Variants in ARID3B observed in about 807,000 individuals in gnomAD.
The protein encoded by ARID3B is AT-rich interaction domain 3B, also known as AT-rich interactive domain-containing protein 3B.
A neutral mutation model predicts 51.9 loss-of-function variants in ARID3B; 10 were observed. The ratio of observed to expected loss-of-function variants is 0.19; its 90% CI spans 0.12 to 0.33. The LOEUF (loss-of-function observed/expected upper bound fraction) is 0.33. ARID3B is among the 10% of genes least tolerant of loss of function. The pLI is 1.00. For missense variants in ARID3B, 483 were observed against 716.3 expected, an observed-to-expected ratio of 0.67 and a Z score of 3.72; for synonymous variants, 205 against 279.5, an observed-to-expected ratio of 0.73 and a Z score of 2.66.
Position 74,596,207 on chromosome 15 carries a change from G to A in ARID3B, c.*433G>A, listed in dbSNP as rs1358067804. On this transcript the variant is annotated 3_prime_UTR_variant, in exon 9 of 9. Coordinates refer to ENST00000346246, the MANE Select transcript of ARID3B (RefSeq NM_006465.4). Reference sequence around the variant, plus strand: ...CACTAGTCTCTTCCCCTGTTTTTAAGTCCCATGTGGGGCTGCCAGGAGCCA... The same window carrying A: ...CACTAGTCTCTTCCCCTGTTTTTAAATCCCATGTGGGGCTGCCAGGAGCCA... 5 of 241,218 alleles carry A rather than the reference G, an allele frequency of 2.1e-5. No homozygotes were observed. The Admixed American group carries it at 2.7e-4, about 13-fold the overall frequency. The allele number at this position is 241,218 out of a possible 1,614,324, so 14.9% of individuals were successfully genotyped here. A position where few individuals can be genotyped will look rare whatever the true frequency, so the allele number is the denominator to read the frequency against.
At chr15:74,585,486 C>G (rs1437129569) in intron 4 of ARID3B, among the ~76,000 whole-genome samples, 1 of 152,256 alleles carries the variant, frequency 6.6e-6, no homozygotes, top group East Asian at 1.9e-4. Context: ...ATATTACTCT[C>G]TAATTCAGGC....
Position 74,597,367 on chromosome 15 carries a change from T to C in ARID3B, c.*1593T>C, listed in dbSNP as rs2061831676. The C allele has an allele frequency of 2.3e-6, 1 of 431,832 alleles. No individual in the cohort carries two copies. Among genetic ancestry groups the C allele is most frequent in the African/African-American group, 2.0e-5 (1 of 50,494 alleles). 26.8% of individuals were successfully genotyped at this position (431,832 alleles called of 1,614,324 possible). A position where few individuals can be genotyped will look rare whatever the true frequency, so the allele number is the denominator to read the frequency against. On this transcript the variant is annotated 3_prime_UTR_variant, in exon 9 of 9. Coordinates refer to ENST00000346246, the MANE Select transcript of ARID3B (RefSeq NM_006465.4). ...CGTGGCGTGGGTGTGTGTGGCAGCG[T>C]GGCTCGCATTCAGTCCTGTGTAGGA... is the stretch of plus-strand genomic sequence containing the variant.
Position 74,591,956 on chromosome 15 carries a change from T to TAG in ARID3B, c.1420+144_1420+145dup. The TAG allele has an allele frequency of 7.5e-7, 1 of 1,340,274 alleles. No homozygotes were observed. The highest frequency in any genetic ancestry group is 1.0e-6 in the Non-Finnish European group (1 of 993,148). The allele number at this position is 1,340,274 out of a possible 1,614,324, so 83.0% of individuals were successfully genotyped here. On this transcript the variant is annotated intron_variant, in intron 7 of 8. Transcript: ENST00000346246. The surrounding 1 kb of genome is among the most constrained non-coding windows in gnomAD (Gnocchi z 5.8). ...CTCCAGGTTCTGCCTTCCAGGCCCCTAGAAGAGAGGCACTGAGATCTTAGT... is the reference window on the plus strand; with the variant it reads ...CTCCAGGTTCTGCCTTCCAGGCCCCTAGAGAAGAGAGGCACTGAGATCTTAGT...
chr15:74,560,907 T>C (rs1265601335), intron 2 of ARID3B, among the ~76,000 whole-genome samples: 3 of 152,236 alleles, frequency 2.0e-5, no homozygotes, highest in Non-Finnish European at 4.4e-5. Context: ...CTCAAAGATA[T>C]TACTCCGCTT....
chr15:74,549,027 A>T (rs1167068114), intron 2 of ARID3B, among the ~76,000 whole-genome samples: 1 of 152,072 alleles, frequency 6.6e-6, no homozygotes, highest in Non-Finnish European at 1.5e-5. Context: ...TCCAGAAGCC[A>T]TCCCTCTAAT....
At chr15:74,568,646 T>A (rs1193109503) in intron 2 of ARID3B, among the ~76,000 whole-genome samples, 1 of 152,158 alleles carries the variant, frequency 6.6e-6, no homozygotes, top group East Asian at 1.9e-4. Context: ...TGGGGAAAAT[T>A]AGCTGAATGT....
At chr15:74,589,180 AC>A (rs1345653468) in intron 4 of ARID3B, among the ~76,000 whole-genome samples, 1 of 151,602 alleles carries the variant, frequency 6.6e-6, no homozygotes, top group Admixed American at 6.6e-5. Context: ...GGCGCCTGCC[AC>A]CATGCCAGGC....
At chr15:74,585,742 C>T (rs1412312662) in intron 4 of ARID3B, among the ~76,000 whole-genome samples, 1 of 152,194 alleles carries the variant, frequency 6.6e-6, no homozygotes, top group East Asian at 1.9e-4. Context: ...GCTTAAAGGC[C>T]TTCTCTCTTT....
intron 2 of ARID3B, among the ~76,000 whole-genome samples, chr15:74,568,384 T>A (rs2061707066): frequency 6.6e-6 from 1 of 152,224 alleles, no homozygotes; most frequent in African/African-American, 2.4e-5. Flanking sequence ...TACAAGTCAG[T>A]ATGGTGTAAC....
chr15:74,572,718 C>G, intron 2 of ARID3B, 144 bp from the exon 3 acceptor site: 1 of 734,972 alleles, frequency 1.4e-6, no homozygotes. Context: ...CAGAATTAGT[C>G]TTCTGAGTTG....
chr15:74,594,331 C>A (rs936866104), intron 8 of ARID3B, among the ~76,000 whole-genome samples: 2 of 152,126 alleles, frequency 1.3e-5, no homozygotes, highest in East Asian at 1.9e-4. Context: ...GCCTGTAGTC[C>A]CAGCTACTCG....
At chr15:74,578,434 T>G (rs545121315) in intron 4 of ARID3B, among the ~76,000 whole-genome samples, 1 of 152,156 alleles carries the variant, frequency 6.6e-6, no homozygotes, top group South Asian at 2.1e-4. Context: ...GTCGGCCTCC[T>G]AAAGTGTTAG....
intron 2 of ARID3B, among the ~76,000 whole-genome samples, chr15:74,555,994 G>A (rs938248387): frequency 2.6e-5 from 4 of 151,326 alleles, no homozygotes; most frequent in African/African-American, 4.9e-5. Flanking sequence ...GGGTTTCACC[G>A]TGTTAGCCGG....
At position 74,541,222 on chromosome 15, in the gene ARID3B, C is replaced by A. The variant is rs2061593231; in HGVS notation, c.-186C>A. 3 of 151,720 alleles carry A rather than the reference C, an allele frequency of 2.0e-5. No individual in the cohort carries two copies. Among genetic ancestry groups the A allele is most frequent in the Middle Eastern group, 6.8e-3 (2 of 292 alleles). The allele number at this position is 151,720 out of a possible 1,614,324, so 9.4% of individuals were successfully genotyped here. On this transcript the variant is annotated 5_prime_UTR_variant, in exon 1 of 9. Transcript: ENST00000346246. ...GCGGCGCCGCTTCCGGTGCGGGCCC[C>A]GCCCCGGCTGTGGCCCCCGGCTGCG...
intron 4 of ARID3B, among the ~76,000 whole-genome samples, chr15:74,581,084 C>T (rs1208881100): frequency 6.6e-6 from 1 of 152,168 alleles, no homozygotes; most frequent in Non-Finnish European, 1.5e-5. Context: ...TTTTCCTGCC[C>T]CTGCCCCATC....
Position 74,591,947 on chromosome 15 carries a change from C to A in ARID3B, c.1420+133C>A. On this transcript the variant is annotated intron_variant, in intron 7 of 8. Coordinates refer to ENST00000346246, the MANE Select transcript of ARID3B (RefSeq NM_006465.4). This position sits in a 1 kb window ranked among gnomAD's most constrained non-coding sequence, Gnocchi z 5.8. ...AAGAGGCCCCTCCAGGTTCTGCCTT[C>A]CAGGCCCCTAGAAGAGAGGCACTGA... 1 of 1,402,068 alleles carries A rather than the reference C, an allele frequency of 7.1e-7. No individual in the cohort carries two copies. Among genetic ancestry groups the A allele is most frequent in the Non-Finnish European group, 9.6e-7 (1 of 1,043,438 alleles). The allele number at this position is 1,402,068 out of a possible 1,614,324, so 86.9% of individuals were successfully genotyped here.
intron 2 of ARID3B, among the ~76,000 whole-genome samples, chr15:74,546,797 A>G (rs969595037): frequency 3.9e-5 from 6 of 152,210 alleles, no homozygotes; most frequent in African/African-American, 1.4e-4. Flanking sequence ...TTGGAGATCA[A>G]GAACTGAACT....
intron 4 of ARID3B, among the ~76,000 whole-genome samples, chr15:74,583,533 A>G (rs1026769945): frequency 1.3e-5 from 2 of 151,928 alleles, no homozygotes; most frequent in African/African-American, 2.4e-5. Context: ...GCCTGGCCAA[A>G]TGGTGAAACC....
At chr15:74,545,338 G>A (rs533521817) in intron 2 of ARID3B, among the ~76,000 whole-genome samples, 6 of 152,206 alleles carry the variant, frequency 3.9e-5, no homozygotes, top group African/African-American at 4.8e-5. Context: ...TGACAACAGG[G>A]AAGGGTAGAC....
Sources: gnomAD v4.1 joint callset for allele counts (sites outside exome capture counted in the v4.1 genomes callset) on GRCh38, gnomAD v4.1.1 for gene constraint, Gnocchi (gnomAD v3.1) non-coding constraint, MANE v1.5 for transcripts, NCBI Gene and HGNC (gene_info 2026-07-23, HGNC 2026-07-21) for gene names.